The following RTKN2 variants were observed in gnomAD, a reference collection of about 807,000 sequenced individuals.
RTKN2 encodes the protein rhotekin 2, also known as rhotekin-2.
A neutral mutation model predicts 71.5 loss-of-function variants in RTKN2; 69 were observed. The ratio of observed to expected loss-of-function variants is 0.96; its 90% CI spans 0.79 to 1.18. The LOEUF (loss-of-function observed/expected upper bound fraction) is 1.18. Ranked by LOEUF, RTKN2 falls within the 50% of genes most tolerant of loss-of-function variation. The pLI is 0.00. For synonymous variants in RTKN2, 236 were observed against 236.5 expected (o/e 1.00, Z 0.02); for missense variants, 724 against 719.7 (o/e 1.01, Z -0.07).
At position 62,194,945 on chromosome 10, in the gene RTKN2, A is replaced by T; in HGVS notation, c.*2963T>A. 2 of 985,404 alleles carry T rather than the reference A, an allele frequency of 2.0e-6. No individual in the cohort carries two copies. Among genetic ancestry groups the T allele is most frequent in the Non-Finnish European group, 2.4e-6 (2 of 829,914 alleles). 61.0% of individuals were successfully genotyped at this position (985,404 alleles called of 1,614,324 possible). ...GGGGCACTGCAGACAGTTAAGGAGG[A>T]TTTAACAAAACTCAGCAAGAGTTGG... is the stretch of plus-strand genomic sequence containing the variant. On this transcript the variant is annotated 3_prime_UTR_variant, in exon 12 of 12. Coordinates refer to ENST00000373789, the MANE Select transcript of RTKN2 (RefSeq NM_145307.4).
chr10:62,188,473 C>G (rs191649006), downstream of RTKN2, among the ~76,000 whole-genome samples: 7 of 152,310 alleles, frequency 4.6e-5, no homozygotes, highest in African/African-American at 1.7e-4. Context: ...AGCCCACAAT[C>G]AATAGGAGGA....
chr10:62,250,522 C>T (rs1051167332), intron 2 of RTKN2, among the ~76,000 whole-genome samples: 1 of 152,226 alleles, frequency 6.6e-6, no homozygotes, highest in Admixed American at 6.5e-5. Flanking sequence ...ATACAGTATT[C>T]TCTTCTTAGC....
Position 62,239,749 on chromosome 10 carries a change from G to T in RTKN2, c.387C>A (p.Ala129=). The change falls in exon 5 of 12, where the codon GCC becomes GCA. Residue 129 remains alanine (A), a synonymous_variant. Coordinates refer to ENST00000373789, the MANE Select transcript of RTKN2 (RefSeq NM_145307.4). ...FSNKERSRRY[A]IFCLFKMGAN... is the part of the protein sequence containing the mutation. Reference sequence around the variant, plus strand: ...CTCCCATTTTGAATAAACAAAAAATGGCATAGCGTCGTGATCCTGGAGGAA... The same window carrying T: ...CTCCCATTTTGAATAAACAAAAAATTGCATAGCGTCGTGATCCTGGAGGAA... 6.3e-7 allele frequency: 1 copy of T among 1,584,288 alleles called. No individual in the cohort carries two copies.
intron 2 of RTKN2, among the ~76,000 whole-genome samples, chr10:62,255,330 A>T (rs902882179): frequency 1.3e-5 from 2 of 152,198 alleles, no homozygotes; most frequent in African/African-American, 4.8e-5. Context: ...TTGGCATTCA[A>T]AATATGATTC....
At chr10:62,189,276 A>G (rs1841183227), downstream of RTKN2, among the ~76,000 whole-genome samples, 1 of 152,058 alleles carries the variant, frequency 6.6e-6, no homozygotes, top group Admixed American at 6.6e-5. Flanking sequence ...GCAACGATAA[A>G]AAATGTCCTC....
Position 62,236,579 on chromosome 10 carries a change from G to T in RTKN2, c.489-316C>A, listed in dbSNP as rs556751041. 1.2e-3 allele frequency among the ~76,000 whole-genome samples: 189 copies of T among 152,096 alleles called. 1 individual carries two copies. The highest frequency in any genetic ancestry group is 1.8e-3 in the Non-Finnish European group (120 of 67,924). On this transcript the variant is annotated intron_variant, in intron 5 of 11. Transcript: ENST00000373789. ...CATGATCCAGCAGTCCTTCTTCTGG[G>T]TTTATACTGGAAGGAGTAAAATCAT...
At chr10:62,252,413 C>T (rs1285427135) in intron 2 of RTKN2, among the ~76,000 whole-genome samples, 1 of 151,882 alleles carries the variant, frequency 6.6e-6, no homozygotes, top group Non-Finnish European at 1.5e-5. Context: ...GTGAAGGAAA[C>T]CGTACTCATG....
intron 1 of RTKN2, among the ~76,000 whole-genome samples, chr10:62,268,142 A>G (rs1219897901): frequency 3.3e-5 from 5 of 152,134 alleles, no homozygotes; most frequent in Non-Finnish European, 7.4e-5. Context: ...ACATCGCTCC[A>G]TTACTGTGCT....
At chr10:62,261,023 T>A (rs1002457548) in intron 2 of RTKN2, among the ~76,000 whole-genome samples, 3 of 152,188 alleles carry the variant, frequency 2.0e-5, no homozygotes, top group African/African-American at 7.2e-5. Flanking sequence ...ATGCTTAATC[T>A]TAAAAATTCA....
chr10:62,185,515 C>T (rs1485631419), intron 8 of RTKN2, among the ~76,000 whole-genome samples: 1 of 152,112 alleles, frequency 6.6e-6, no homozygotes, highest in African/African-American at 2.4e-5. Flanking sequence ...ACTCAGGAGG[C>T]TGAGGCAGGA....
chr10:62,222,185 T>G (rs1311721396), intron 7 of RTKN2, among the ~76,000 whole-genome samples: 1 of 152,170 alleles, frequency 6.6e-6, no homozygotes, highest in Non-Finnish European at 1.5e-5. Context: ...CATACCTCAC[T>G]GCAGCCTTGA....
intron 6 of RTKN2, among the ~76,000 whole-genome samples, chr10:62,235,125 A>T (rs150440356): frequency 2.0e-5 from 3 of 152,286 alleles, no homozygotes; most frequent in African/African-American, 7.2e-5. Flanking sequence ...AATAATGACA[A>T]GAAAAAAAGA....
downstream of RTKN2, among the ~76,000 whole-genome samples, chr10:62,191,461 C>G (rs947950849): frequency 3.3e-5 from 5 of 152,168 alleles, no homozygotes; most frequent in Admixed American, 3.3e-4. Context: ...CAATCCGTCA[C>G]AGATCTTTCA....
chr10:62,191,318 T>C (rs1332135584), downstream of RTKN2, among the ~76,000 whole-genome samples: 5 of 152,104 alleles, frequency 3.3e-5, no homozygotes, highest in Admixed American at 3.3e-4. Flanking sequence ...TAATTATTAT[T>C]ATTTTTTGTA....
chr10:62,190,137 T>C (rs1350980964), downstream of RTKN2, among the ~76,000 whole-genome samples: 1 of 152,140 alleles, frequency 6.6e-6, no homozygotes, highest in Non-Finnish European at 1.5e-5. Flanking sequence ...TGGATCTAAT[T>C]GCGAAGGAAA....
chr10:62,211,759 C>T (rs1263724840), intron 9 of RTKN2, among the ~76,000 whole-genome samples: 1 of 72,788 alleles, frequency 1.4e-5, no homozygotes, highest in African/African-American at 4.5e-5. Context: ...CTCCCAAGTT[C>T]AAGCAATTAT....
At chr10:62,225,784 CT>C (rs71470801) in intron 6 of RTKN2, among the ~76,000 whole-genome samples, 160 of 140,194 alleles carry the variant, frequency 1.1e-3, no homozygotes, top group Middle Eastern at 3.8e-3. Context: ...ATTTTCTTTT[CT>C]TTTTTTTTTT....
At chr10:62,186,805 C>A (rs530958989) in intron 8 of RTKN2, among the ~76,000 whole-genome samples, 92 of 152,234 alleles carry the variant, frequency 6.0e-4, no homozygotes, top group African/African-American at 2.1e-3. Context: ...TAATTTCATC[C>A]TCCATCCTCA....
intron 9 of RTKN2, among the ~76,000 whole-genome samples, chr10:62,208,655 G>A (rs934094973): frequency 6.6e-6 from 1 of 151,840 alleles, no homozygotes; most frequent in South Asian, 2.1e-4. Flanking sequence ...ACATATAAAT[G>A]GGAAAAAACA....
Sources: allele counts gnomAD v4.1 joint callset (sites outside exome capture counted in the v4.1 genomes callset), GRCh38; gene constraint gnomAD v4.1.1; transcripts MANE v1.5; gene names NCBI Gene and HGNC (gene_info 2026-07-23, HGNC 2026-07-21).